The following SPHKAP variants were observed in gnomAD, a reference collection of about 807,000 sequenced individuals.
SPHKAP encodes A-kinase anchor protein SPHKAP.
In SPHKAP, 67 loss-of-function variants were observed where a neutral mutation model predicts 137.5. The observed-to-expected ratio is 0.49, with a 90% CI of 0.40 to 0.60. The LOEUF (loss-of-function observed/expected upper bound fraction) is 0.60. Ranked by LOEUF, SPHKAP falls within the 20% of genes least tolerant of loss-of-function variation. The pLI, the probability that SPHKAP is intolerant of heterozygous loss-of-function variation, is 0.00. For missense variants in SPHKAP, 2,097 were observed against 2,069.3 expected (o/e 1.01, Z -0.26); for synonymous variants, 813 against 785.3 (o/e 1.04, Z -0.59).
At chr2:228,100,396 A>G (rs1698152135) in intron 3 of SPHKAP, among the ~76,000 whole-genome samples, 1 of 152,114 alleles carries the variant, frequency 6.6e-6, no homozygotes, top group Non-Finnish European at 1.5e-5. Flanking sequence ...GAGATTGGAC[A>G]TCCTTGTCTT....
Position 227,980,656 on chromosome 2 carries a change from A to C in SPHKAP, c.*1061T>G, listed in dbSNP as rs1368048277. ...CGAGTCAGGGAAAGTCTATGATCCTAACTGATCATGTCAAACACAAGACCA... is the reference window on the plus strand; with the variant it reads ...CGAGTCAGGGAAAGTCTATGATCCTCACTGATCATGTCAAACACAAGACCA... On this transcript the variant is annotated 3_prime_UTR_variant, in exon 12 of 12. Coordinates refer to ENST00000392056, the MANE Select transcript of SPHKAP (RefSeq NM_001142644.2). 1 of 143,430 alleles carries C rather than the reference A, an allele frequency of 7.0e-6. No homozygotes were observed. The highest frequency in any genetic ancestry group is 2.4e-5 in the African/African-American group (1 of 40,908). 8.9% of individuals were successfully genotyped at this position (143,430 alleles called of 1,614,324 possible). A position where few individuals can be genotyped will look rare whatever the true frequency, so the allele number is the denominator to read the frequency against.
intron 9 of SPHKAP, chr2:227,991,688 G>A: frequency 1.0e-6 from 1 of 984,748 alleles, no homozygotes; most frequent in Non-Finnish European, 1.2e-6. Flanking sequence ...CTGATTTGGA[G>A]ATTTATTCTT....
chr2:228,058,604 T>C (rs1456997065), intron 3 of SPHKAP, among the ~76,000 whole-genome samples: 1 of 152,178 alleles, frequency 6.6e-6, no homozygotes, highest in Non-Finnish European at 1.5e-5. Flanking sequence ...AACCAGAACA[T>C]GCATTAAGAC....
intron 3 of SPHKAP, among the ~76,000 whole-genome samples, chr2:228,047,475 A>C (rs911402851): frequency 6.6e-6 from 1 of 151,984 alleles, no homozygotes; most frequent in Non-Finnish European, 1.5e-5. Context: ...TCAAAAAAAA[A>C]AAAAAAACAA....
chr2:228,083,434 C>T (rs1474727377), intron 3 of SPHKAP, among the ~76,000 whole-genome samples: 2 of 152,126 alleles, frequency 1.3e-5, no homozygotes, highest in Non-Finnish European at 2.9e-5. Context: ...TCTCTGATGA[C>T]CGGTGTTGAT....
At chr2:228,115,582 A>T (rs1265906256) in intron 2 of SPHKAP, among the ~76,000 whole-genome samples, 1 of 152,112 alleles carries the variant, frequency 6.6e-6, no homozygotes, top group East Asian at 1.9e-4. Context: ...AAAAATAGCA[A>T]TTTTTTAGTG....
chr2:228,023,514 C>T (rs925149147), intron 5 of SPHKAP, among the ~76,000 whole-genome samples: 2 of 152,160 alleles, frequency 1.3e-5, no homozygotes, highest in African/African-American at 4.8e-5. Context: ...TGTGATCCCC[C>T]GAATGGAGAG....
At chr2:228,084,817 G>GA (rs1481134290) in intron 3 of SPHKAP, among the ~76,000 whole-genome samples, 44 of 152,224 alleles carry the variant, frequency 2.9e-4, no homozygotes, top group African/African-American at 8.7e-4. Context: ...ATTGAACAGA[G>GA]AAAAAATGCA....
At chr2:228,074,907 C>T (rs1162403262) in intron 3 of SPHKAP, among the ~76,000 whole-genome samples, 2 of 151,876 alleles carry the variant, frequency 1.3e-5, no homozygotes, top group Non-Finnish European at 2.9e-5. Flanking sequence ...AACATGTATT[C>T]CTGCCAATCA....
intron 3 of SPHKAP, among the ~76,000 whole-genome samples, chr2:228,055,747 C>A (rs1161490949): frequency 6.6e-6 from 1 of 152,212 alleles, no homozygotes; most frequent in East Asian, 1.9e-4. Context: ...CATCTAAAAT[C>A]TACTACTCCC....
chr2:228,110,946 G>GA (rs1698499236), intron 2 of SPHKAP, among the ~76,000 whole-genome samples: 1 of 151,658 alleles, frequency 6.6e-6, no homozygotes, highest in Non-Finnish European at 1.5e-5. Context: ...TGTTTTATTT[G>GA]AAAATAAAAT....
At chr2:228,109,107 G>A (rs990679121) in intron 2 of SPHKAP, among the ~76,000 whole-genome samples, 168 bp from the exon 3 acceptor site, 2 of 151,750 alleles carry the variant, frequency 1.3e-5, no homozygotes, top group Non-Finnish European at 2.9e-5. Flanking sequence ...CCTCTAAAAT[G>A]TATAAAATAT....
intron 11 of SPHKAP, among the ~76,000 whole-genome samples, chr2:227,990,509 T>C (rs1055821130): frequency 6.6e-6 from 1 of 152,138 alleles, no homozygotes; most frequent in Admixed American, 6.5e-5. Flanking sequence ...TGGCCAAGGA[T>C]CTCTTCCCTA....
chr2:228,039,389 C>T (rs2106255463), intron 3 of SPHKAP, among the ~76,000 whole-genome samples: 1 of 152,198 alleles, frequency 6.6e-6, no homozygotes, highest in East Asian at 1.9e-4. Context: ...TAAAATATTC[C>T]TCACAACTAC....
At chr2:228,166,457 C>T (rs1700425870) in intron 1 of SPHKAP, among the ~76,000 whole-genome samples, 1 of 152,112 alleles carries the variant, frequency 6.6e-6, no homozygotes, top group Non-Finnish European at 1.5e-5. Flanking sequence ...AGACTAAATT[C>T]AAGTCACTAG....
At chr2:228,131,243 A>C (rs1223324854) in intron 2 of SPHKAP, 1 of 960,270 alleles carries the variant, frequency 1.0e-6, no homozygotes, top group Non-Finnish European at 1.2e-6. Flanking sequence ...TTATAATTTA[A>C]TATTTTTGCA....
chr2:228,092,360 C>CATATAT, intron 3 of SPHKAP, among the ~76,000 whole-genome samples: 1 of 141,414 alleles, frequency 7.1e-6, no homozygotes, highest in African/African-American at 2.6e-5. Flanking sequence ...TACATATATA[C>CATATAT]ACACATATAC....
intron 7 of SPHKAP, among the ~76,000 whole-genome samples, chr2:228,002,167 C>T (rs1474596585): frequency 6.6e-6 from 1 of 152,160 alleles, no homozygotes; most frequent in African/African-American, 2.4e-5. Context: ...AATGGTTGAA[C>T]TAGTTTACAG....
chr2:228,022,891 A>G (rs952035783), intron 5 of SPHKAP, among the ~76,000 whole-genome samples: 5 of 152,226 alleles, frequency 3.3e-5, no homozygotes, highest in African/African-American at 1.2e-4. Flanking sequence ...TAAGTGTTCT[A>G]TCAACTACAG....
Sources: allele counts gnomAD v4.1 joint callset (sites outside exome capture counted in the v4.1 genomes callset), GRCh38; gene constraint gnomAD v4.1.1; transcripts MANE v1.5; gene names NCBI Gene and HGNC (gene_info 2026-07-23, HGNC 2026-07-21).